The following TCF12 variants were observed in gnomAD, a reference collection of about 807,000 sequenced individuals.
TCF12 encodes the protein DNA-binding protein HTF4.
TCF12 carries 45 observed loss-of-function variants against 86.0 expected under a neutral mutation model. The ratio of observed to expected loss-of-function variants is 0.52; its 90% CI spans 0.41 to 0.67. TCF12 has a LOEUF of 0.67. Ranked by LOEUF, TCF12 falls within the 30% of genes least tolerant of loss-of-function variation. The pLI is 0.00. For synonymous variants in TCF12, 330 were observed against 299.6 expected (o/e 1.10, Z -1.05); for missense variants, 881 against 859.9 (o/e 1.02, Z -0.31).
At chr15:56,933,765 A>T (rs1447127432) in intron 3 of TCF12, among the ~76,000 whole-genome samples, 1 of 152,160 alleles carries the variant, frequency 6.6e-6, no homozygotes, top group East Asian at 1.9e-4. Context: ...TTTCATATAC[A>T]TATGGAGAGA....
At chr15:57,039,197 A>G (rs2066722979) in intron 3 of TCF12, among the ~76,000 whole-genome samples, 1 of 152,190 alleles carries the variant, frequency 6.6e-6, no homozygotes. Context: ...CTGTTGTATA[A>G]GGGTTGAGTG....
chr15:57,159,209 G>A (rs2054325831), intron 5 of TCF12, among the ~76,000 whole-genome samples: 2 of 152,158 alleles, frequency 1.3e-5, no homozygotes. Flanking sequence ...GATGTTAAGC[G>A]ACATGTTACT....
At chr15:56,954,037 A>G (rs1190833872) in intron 3 of TCF12, among the ~76,000 whole-genome samples, 1 of 151,914 alleles carries the variant, frequency 6.6e-6, no homozygotes, top group South Asian at 2.1e-4. Flanking sequence ...TTTTTCTAAT[A>G]TAGGCCTTTA....
chr15:56,997,528 A>AC (rs755804212), intron 3 of TCF12, among the ~76,000 whole-genome samples: 3 of 152,144 alleles, frequency 2.0e-5, no homozygotes, highest in Non-Finnish European at 2.9e-5. Context: ...TATTGTGCTC[A>AC]CCACCTGCAG....
chr15:57,097,885 A>G (rs1178444008), intron 5 of TCF12, among the ~76,000 whole-genome samples: 1 of 151,998 alleles, frequency 6.6e-6, no homozygotes, highest in Non-Finnish European at 1.5e-5. Flanking sequence ...GCCAGGCACA[A>G]TGGCTCACCC....
intron 3 of TCF12, among the ~76,000 whole-genome samples, chr15:56,940,795 G>T (rs2060731084): frequency 7.0e-6 from 1 of 142,372 alleles, no homozygotes; most frequent in African/African-American, 2.6e-5. Flanking sequence ...TAACTCTGTT[G>T]CCCAGGCTGG....
At chr15:57,080,134 A>C (rs1434809295) in intron 4 of TCF12, among the ~76,000 whole-genome samples, 1 of 152,196 alleles carries the variant, frequency 6.6e-6, no homozygotes, top group African/African-American at 2.4e-5. Context: ...AAATGTCTCT[A>C]CTGACAGGAT....
At position 56,940,737 on chromosome 15, in the gene TCF12, C is replaced by A. The variant is rs539934103; in HGVS notation, c.148+19639C>A. ...CCCTTCCTATCCCCTTCTCTCCCCC[C>A]CCTTCTCCTCCTTCTCCTTCTCCTT... On this transcript the variant is annotated intron_variant, in intron 3 of 20. Transcript: ENST00000333725. Among the ~76,000 whole-genome samples the A allele has an allele frequency of 9.3e-5, 10 of 107,652 alleles. No individual in the cohort carries two copies. In the East Asian group the frequency reaches 2.5e-3, roughly 27 times the overall value. The allele number at this position is 107,652 out of a possible 152,430, so 70.6% of individuals were successfully genotyped here. A position where few individuals can be genotyped will look rare whatever the true frequency, so the allele number is the denominator to read the frequency against.
intron 18 of TCF12, among the ~76,000 whole-genome samples, chr15:57,265,497 A>G (rs1206896663): frequency 6.6e-6 from 1 of 152,056 alleles, no homozygotes; most frequent in Non-Finnish European, 1.5e-5. Context: ...CCGACCCTGA[A>G]CTGGAATAAT....
intron 3 of TCF12, among the ~76,000 whole-genome samples, chr15:57,051,310 G>C (rs561791216): frequency 6.6e-6 from 1 of 152,276 alleles, no homozygotes; most frequent in South Asian, 2.1e-4. Context: ...TGGGATTCTT[G>C]TATTCTTCCT....
intron 3 of TCF12, among the ~76,000 whole-genome samples, chr15:56,990,295 G>C (rs1198759150): frequency 6.6e-6 from 1 of 151,160 alleles, no homozygotes; most frequent in Non-Finnish European, 1.5e-5. Context: ...GTTTTAGGCA[G>C]CATCAGTAGA....
rs57821231 is a variant in TCF12, at chr15:57,037,434, A to AAAACAAACAAAC, written c.149-26301_149-26290dup. 3.6e-3 allele frequency among the ~76,000 whole-genome samples: 544 copies of AAAACAAACAAAC among 151,120 alleles called. 4 individuals carry two copies. Among genetic ancestry groups the AAAACAAACAAAC allele is most frequent in the African/African-American group, 0.012 (511 of 40,924 alleles). On this transcript the variant is annotated intron_variant, in intron 3 of 20. Coordinates refer to ENST00000333725, the MANE Select transcript of TCF12 (RefSeq NM_207037.2). ...CCAGCCTGGGTGACAAGAGCTCAAAAAAACAAACAAACAAACAAACAAACA... is the reference window on the plus strand; with the variant it reads ...CCAGCCTGGGTGACAAGAGCTCAAAAAAACAAACAAACAAACAAACAAACAAACAAACAAACA...
chr15:57,162,235 G>A, intron 5 of TCF12, among the ~76,000 whole-genome samples: 1 of 128,528 alleles, frequency 7.8e-6, no homozygotes, highest in African/African-American at 3.6e-5. Flanking sequence ...GTATATTTAT[G>A]TTAAAAAAAA....
intron 8 of TCF12, among the ~76,000 whole-genome samples, chr15:57,210,600 C>G (rs1383943233): frequency 6.6e-6 from 1 of 152,112 alleles, no homozygotes; most frequent in Non-Finnish European, 1.5e-5. Flanking sequence ...AATGTGAGGT[C>G]TTAGCATTAG....
chr15:56,991,897 C>G (rs2063478106), intron 3 of TCF12, among the ~76,000 whole-genome samples: 1 of 151,890 alleles, frequency 6.6e-6, no homozygotes, highest in African/African-American at 2.4e-5. Context: ...TTGGTTAAAA[C>G]AACTTTTAAG....
intron 3 of TCF12, among the ~76,000 whole-genome samples, chr15:57,006,865 G>A (rs1047105695): frequency 3.9e-5 from 6 of 152,038 alleles, no homozygotes; most frequent in African/African-American, 1.4e-4. Flanking sequence ...GCAGTGAGCC[G>A]AGATCGCACC....
chr15:57,215,082 C>G (rs1393302851), intron 8 of TCF12, among the ~76,000 whole-genome samples: 1 of 152,014 alleles, frequency 6.6e-6, no homozygotes, highest in Non-Finnish European at 1.5e-5. Flanking sequence ...AGTAAATTTT[C>G]TAAAATGTGA....
intron 5 of TCF12, among the ~76,000 whole-genome samples, chr15:57,116,066 G>A (rs935589120): frequency 2.0e-5 from 3 of 152,106 alleles, no homozygotes; most frequent in Non-Finnish European, 4.4e-5. Flanking sequence ...AGAAAAAAAA[G>A]TGGGGCAGGT....
At chr15:57,079,046 G>A (rs1240299605) in intron 4 of TCF12, among the ~76,000 whole-genome samples, 1 of 152,240 alleles carries the variant, frequency 6.6e-6, no homozygotes, top group African/African-American at 2.4e-5. Context: ...ATTTTCGTAA[G>A]TATGTGAAAA....
Sources: allele counts gnomAD v4.1 joint callset (sites outside exome capture counted in the v4.1 genomes callset), GRCh38; gene constraint gnomAD v4.1.1; transcripts MANE v1.5; gene names NCBI Gene and HGNC (gene_info 2026-07-23, HGNC 2026-07-21).